Variants in PLEKHA8 observed in about 807,000 individuals in gnomAD.
PLEKHA8 encodes pleckstrin homology domain containing A8.
In PLEKHA8, 36 loss-of-function variants were observed where a neutral mutation model predicts 68.2. The ratio of observed to expected loss-of-function variants is 0.53; its 90% CI spans 0.40 to 0.70. The LOEUF is 0.70. Among genes scored for constraint, PLEKHA8 ranks in the 30% least tolerant of loss-of-function variants. The pLI, the probability that PLEKHA8 is intolerant of heterozygous loss-of-function variation, is 0.00. For synonymous variants in PLEKHA8, 211 were observed against 216.1 expected (o/e 0.98, Z 0.20); for missense variants, 505 against 615.4 (o/e 0.82, Z 1.90).
At chr7:30,058,796 A>T (rs1210612000) in intron 9 of PLEKHA8, among the ~76,000 whole-genome samples, 2 of 152,218 alleles carry the variant, frequency 1.3e-5, no homozygotes, top group Admixed American at 1.3e-4. Flanking sequence ...AGATTACATT[A>T]TATCTCTAAA....
At chr7:30,126,216 C>T (rs1397232339) in intron 13 of PLEKHA8, among the ~76,000 whole-genome samples, 1 of 141,170 alleles carries the variant, frequency 7.1e-6, no homozygotes, top group Admixed American at 7.0e-5. Flanking sequence ...GATTTTGTGT[C>T]TTCAACCAAG....
At chr7:30,099,228 C>T (rs576991124) in intron 13 of PLEKHA8, among the ~76,000 whole-genome samples, 1 of 152,296 alleles carries the variant, frequency 6.6e-6, no homozygotes, top group East Asian at 1.9e-4. Flanking sequence ...AGTGTCTCCA[C>T]ACCAAGCAAG....
chr7:30,031,563 C>T (rs182667669), intron 1 of PLEKHA8, among the ~76,000 whole-genome samples: 2 of 152,024 alleles, frequency 1.3e-5, no homozygotes, highest in Admixed American at 6.6e-5. Context: ...CAGGGGTGTG[C>T]GGGAGGCTAG....
At chr7:30,116,074 G>T (rs1796526487) in intron 13 of PLEKHA8, 1 of 103,936 alleles carries the variant, frequency 9.6e-6, no homozygotes, top group Non-Finnish European at 2.1e-5. Context: ...ACGTATACAT[G>T]TATACATACG....
At chr7:30,073,525 G>A (rs1323839947) in intron 12 of PLEKHA8, among the ~76,000 whole-genome samples, 4 of 127,914 alleles carry the variant, frequency 3.1e-5, no homozygotes, top group South Asian at 2.7e-4. Flanking sequence ...CAGATATATT[G>A]ATTGACCCAG....
In PLEKHA8 at chr7:30,083,927, A is replaced by G. The variant is rs530694105; in HGVS notation, c.*5140A>G. 11 of 985,454 alleles carry G rather than the reference A, an allele frequency of 1.1e-5. No individual in the cohort carries two copies. The South Asian group carries it at 5.2e-4, about 46-fold the overall frequency. 61.0% of individuals were successfully genotyped at this position (985,454 alleles called of 1,614,324 possible). A position where few individuals can be genotyped will look rare whatever the true frequency, so the allele number is the denominator to read the frequency against. ...CGTGTCTGTTTATAGGTGTATATGG[A>G]GTCAGTGTTGATAGGAAGGATGCTC... On this transcript the variant is annotated 3_prime_UTR_variant, in exon 14 of 14. Transcript: ENST00000449726.
At chr7:30,099,712 A>G (rs1384013854) in intron 13 of PLEKHA8, among the ~76,000 whole-genome samples, 8 of 152,234 alleles carry the variant, frequency 5.3e-5, no homozygotes, top group Non-Finnish European at 1.2e-4. Context: ...ATTTATAATC[A>G]TTGATCCAAA....
intron 13 of PLEKHA8, among the ~76,000 whole-genome samples, chr7:30,101,083 G>A (rs1317346400): frequency 2.0e-5 from 3 of 151,730 alleles, no homozygotes; most frequent in Non-Finnish European, 2.9e-5. Context: ...ACAGCTACTC[G>A]GGAGGCTAAG....
chr7:30,045,335 A>G (rs1791871843), intron 2 of PLEKHA8, 134 bp downstream of exon 2: 1 of 629,828 alleles, frequency 1.6e-6, no homozygotes, highest in African/African-American at 1.9e-5. Context: ...TTATGTGTCA[A>G]AAGAAAGCCT....
chr7:30,098,791 T>A (rs758006136), intron 13 of PLEKHA8, among the ~76,000 whole-genome samples: 3 of 152,270 alleles, frequency 2.0e-5, no homozygotes, highest in Non-Finnish European at 4.4e-5. Flanking sequence ...GGTGATGCGA[T>A]GTTGCGCCCT....
intron 10 of PLEKHA8, among the ~76,000 whole-genome samples, chr7:30,061,667 A>G (rs1793446629): frequency 6.6e-6 from 1 of 152,228 alleles, no homozygotes; most frequent in Admixed American, 6.5e-5. Context: ...AGGCAGAAAA[A>G]ATAACTTTAA....
chr7:30,070,101 C>T (rs1192604122), intron 12 of PLEKHA8, among the ~76,000 whole-genome samples: 6 of 151,672 alleles, frequency 4.0e-5, no homozygotes, highest in Non-Finnish European at 8.8e-5. Flanking sequence ...ATATTTGCAG[C>T]GTAGAAGTCA....
intron 13 of PLEKHA8, chr7:30,118,140 G>A: frequency 1.1e-6 from 1 of 894,226 alleles, no homozygotes; most frequent in Non-Finnish European, 1.5e-6. Flanking sequence ...GGGCCAGGAT[G>A]CCCAGCAAGC....
rs183226815 is a variant in PLEKHA8 at position 30,061,880 on chromosome 7, C to A, written c.1099-17C>A. The A allele has an allele frequency of 6.2e-7, 1 of 1,613,090 alleles. No individual in the cohort carries two copies. The highest frequency in any genetic ancestry group is 2.2e-5 in the East Asian group (1 of 44,870). On this transcript the variant is annotated splice_polypyrimidine_tract_variant and intron_variant, in intron 10 of 13. Coordinates refer to ENST00000449726, the MANE Select transcript of PLEKHA8 (RefSeq NM_001197026.2). ...TCAGCATTTTAAACTTAGGTTGTTT[C>A]CCTGCTTTCCCTCCAGAAAGTAAAT... is the stretch of plus-strand genomic sequence containing the variant.
downstream of PLEKHA8, among the ~76,000 whole-genome samples, chr7:30,094,360 C>T (rs1353485399): frequency 6.6e-6 from 1 of 151,586 alleles, no homozygotes; most frequent in Non-Finnish European, 1.5e-5. Flanking sequence ...CTGCAACCTC[C>T]ACCTCTTGGG....
intron 13 of PLEKHA8, among the ~76,000 whole-genome samples, chr7:30,102,045 A>C (rs995115490): frequency 6.6e-6 from 1 of 152,252 alleles, no homozygotes; most frequent in Non-Finnish European, 1.5e-5. Flanking sequence ...CTGATAAGGG[A>C]CTGGTATCTA....
intron 13 of PLEKHA8, chr7:30,116,133 T>C (rs953782608): frequency 1.3e-4 from 19 of 150,904 alleles, no homozygotes; most frequent in Admixed American, 1.2e-3. Flanking sequence ...TGTGTATACA[T>C]ATGTATACAT....
chr7:30,102,045 A>G (rs995115490), intron 13 of PLEKHA8, among the ~76,000 whole-genome samples: 4 of 152,252 alleles, frequency 2.6e-5, no homozygotes, highest in Admixed American at 2.0e-4. Context: ...CTGATAAGGG[A>G]CTGGTATCTA....
chr7:30,076,338 G>A (rs1366469442), intron 13 of PLEKHA8, among the ~76,000 whole-genome samples: 1 of 151,986 alleles, frequency 6.6e-6, no homozygotes, highest in Admixed American at 6.6e-5. Flanking sequence ...CTGCTTCTAA[G>A]TTTAGAATAA....
Sources: allele counts gnomAD v4.1 joint callset (sites outside exome capture counted in the v4.1 genomes callset), GRCh38; gene constraint gnomAD v4.1.1; transcripts MANE v1.5; gene names NCBI Gene and HGNC (gene_info 2026-07-23, HGNC 2026-07-21).